Variants in ANO10 observed in about 807,000 individuals in gnomAD.
The protein encoded by ANO10 is anoctamin 10, also known as anoctamin-10.
In ANO10, 77 loss-of-function variants were observed where a neutral mutation model predicts 74.7. The ratio of observed to expected loss-of-function variants is 1.03; its 90% confidence interval spans 0.86 to 1.25. ANO10 has a LOEUF of 1.25. Among genes scored for constraint, ANO10 ranks in the 50% most tolerant of loss-of-function variants. The pLI is 0.00. For synonymous variants in ANO10, 279 were observed against 284.9 expected (o/e 0.98, Z 0.21); for missense variants, 721 against 778.1 (o/e 0.93, Z 0.87).
intron 12 of ANO10, among the ~76,000 whole-genome samples, chr3:43,386,545 T>C (rs1462697173): frequency 1.3e-5 from 2 of 152,100 alleles, no homozygotes; most frequent in Non-Finnish European, 2.9e-5. Flanking sequence ...TCTCTGCAGG[T>C]GGGCTCATTC....
chr3:43,479,623 TAATTACC>T (rs1478328504), intron 11 of ANO10, among the ~76,000 whole-genome samples: 1 of 152,194 alleles, frequency 6.6e-6, no homozygotes, highest in Non-Finnish European at 1.5e-5. Flanking sequence ...GGAGAAAAGT[TAATTACC>T]AAATGGTTAA....
chr3:43,587,773 A>G (rs1032024235), intron 4 of ANO10, among the ~76,000 whole-genome samples: 1 of 152,188 alleles, frequency 6.6e-6, no homozygotes, highest in African/African-American at 2.4e-5. Flanking sequence ...CAATATTTAA[A>G]CGTTAATGAG....
At chr3:43,515,208 T>G (rs2077659868) in intron 11 of ANO10, among the ~76,000 whole-genome samples, 1 of 152,226 alleles carries the variant, frequency 6.6e-6, no homozygotes, top group African/African-American at 2.4e-5. Context: ...TAAACATTAT[T>G]TCTGGCTGTG....
chr3:43,684,502 C>T (rs945382514), intron 1 of ANO10, among the ~76,000 whole-genome samples: 1 of 152,160 alleles, frequency 6.6e-6, no homozygotes, highest in African/African-American at 2.4e-5. Flanking sequence ...ACTCGTTCAA[C>T]CATTGTGGAA....
Position 43,576,672 on chromosome 3 carries a change from T to C in ANO10, c.1162+20A>G. The C allele has an allele frequency of 6.2e-7, 1 of 1,611,308 alleles. No individual in the cohort carries two copies. The highest frequency in any genetic ancestry group is 8.5e-7 in the Non-Finnish European group (1 of 1,177,548). Reference sequence around the variant, plus strand: ...TTCTTACAGGCAAGTAAGACGTGAATATAAAGCCTCAAGTCTTACCCCATG... The same window carrying C: ...TTCTTACAGGCAAGTAAGACGTGAACATAAAGCCTCAAGTCTTACCCCATG... On this transcript the variant is annotated intron_variant, in intron 6 of 12. Transcript: ENST00000292246.
At chr3:43,386,880 G>T (rs969774222) in intron 12 of ANO10, among the ~76,000 whole-genome samples, 5 of 152,124 alleles carry the variant, frequency 3.3e-5, no homozygotes, top group Non-Finnish European at 7.4e-5. Context: ...CTAGGGGCAG[G>T]ACTGAAGCCT....
intron 1 of ANO10, among the ~76,000 whole-genome samples, chr3:43,641,823 C>T (rs545665425): frequency 7.9e-5 from 12 of 152,164 alleles, no homozygotes; most frequent in Non-Finnish European, 1.3e-4. Flanking sequence ...TGTCATCAAG[C>T]GAGTGTGGGA....
chr3:43,480,327 C>A (rs185228910), intron 11 of ANO10, among the ~76,000 whole-genome samples: 22 of 152,294 alleles, frequency 1.4e-4, no homozygotes, highest in African/African-American at 5.3e-4. Flanking sequence ...TTTCACAGAA[C>A]TGAAGAACAG....
intron 11 of ANO10, among the ~76,000 whole-genome samples, chr3:43,449,515 CTTTTTTT>C (rs61265406): frequency 4.7e-5 from 5 of 107,124 alleles, no homozygotes; most frequent in African/African-American, 1.8e-4. Context: ...TATCTAGATT[CTTTTTTT>C]TTTTTTTTTT....
chr3:43,591,036 G>A (rs932062906), intron 4 of ANO10, among the ~76,000 whole-genome samples: 5 of 152,186 alleles, frequency 3.3e-5, no homozygotes, highest in East Asian at 1.9e-4. Flanking sequence ...GACAATGATC[G>A]GGATATAAAC....
At chr3:43,425,775 ATTTC>A (rs749425523) in intron 12 of ANO10, among the ~76,000 whole-genome samples, 9 of 152,102 alleles carry the variant, frequency 5.9e-5, no homozygotes, top group Admixed American at 4.6e-4. Context: ...CCCACAATAT[ATTTC>A]TTTGACGTAT....
upstream of ANO10, among the ~76,000 whole-genome samples, chr3:43,624,673 C>T (rs2083476446): frequency 6.6e-6 from 1 of 152,152 alleles, no homozygotes; most frequent in African/African-American, 2.4e-5. Context: ...AACCTCTTTG[C>T]TTTATAAATT....
upstream of ANO10, among the ~76,000 whole-genome samples, chr3:43,626,020 GC>G (rs1553745504): frequency 1.3e-5 from 2 of 151,286 alleles, no homozygotes; most frequent in Non-Finnish European, 2.9e-5. Flanking sequence ...TGCAACTTCC[GC>G]CTCACGGGTT....
Position 43,366,514 on chromosome 3 carries a change from C to CCCCA in ANO10, c.*388_*391dup. The CCCCA allele has an allele frequency of 2.7e-6, 1 of 369,806 alleles. No individual in the cohort carries two copies. Among genetic ancestry groups the CCCCA allele is most frequent in the Non-Finnish European group, 5.2e-6 (1 of 191,442 alleles). 22.9% of individuals were successfully genotyped at this position (369,806 alleles called of 1,614,324 possible). On this transcript the variant is annotated 3_prime_UTR_variant, in exon 13 of 13. Transcript: ENST00000292246. ...TGAGCACAGTGGGCACACACCCCATCCCCAACCTGTCCACGGGTCCCTGGG... is the reference window on the plus strand; with the variant it reads ...TGAGCACAGTGGGCACACACCCCATCCCCACCCAACCTGTCCACGGGTCCCTGGG...
chr3:43,506,686 T>C lies in ANO10; in HGVS notation c.1797+43034A>G, dbSNP rs572476515. 1.4e-4 allele frequency among the ~76,000 whole-genome samples: 21 copies of C among 152,320 alleles called. 2 individuals are homozygous for C. Among genetic ancestry groups the C allele is most frequent in the African/African-American group, 5.1e-4 (21 of 41,568 alleles). ...GCCCACCCCTGGGCCTTTAGGGTGC[T>C]GTGCCTTCTGCCTGCACTGCTCTTC... is the stretch of plus-strand genomic sequence containing the variant. On this transcript the variant is annotated intron_variant, in intron 11 of 12. Transcript: ENST00000292246.
At chr3:43,375,057 G>T (rs183466682) in intron 12 of ANO10, among the ~76,000 whole-genome samples, 66 of 152,028 alleles carry the variant, frequency 4.3e-4, no homozygotes, top group African/African-American at 1.6e-3. Context: ...GGAGGCGGAG[G>T]GTGCAGTGAG....
rs183434805 is a variant in ANO10 at position 43,532,829 on chromosome 3, C to T, written c.1797+16891G>A. 4.6e-5 allele frequency among the ~76,000 whole-genome samples: 7 copies of T among 152,254 alleles called. No individual in the cohort carries two copies. In the East Asian group the frequency reaches 1.4e-3, roughly 29 times the overall value. ...TCTAGGAATCTCCAACCCAGAGATT[C>T]AAATACAAAGTGATATGGTAAGGTT... On this transcript the variant is annotated intron_variant, in intron 11 of 12. Coordinates refer to ENST00000292246, the MANE Select transcript of ANO10 (RefSeq NM_018075.5).
intron 1 of ANO10, among the ~76,000 whole-genome samples, chr3:43,667,352 G>C (rs948945406): frequency 6.6e-6 from 1 of 152,036 alleles, no homozygotes; most frequent in African/African-American, 2.4e-5. Flanking sequence ...GCCTCCCAAA[G>C]TGCTGGGATT....
intron 12 of ANO10, among the ~76,000 whole-genome samples, chr3:43,422,277 C>T (rs570248083): frequency 2.0e-5 from 3 of 152,084 alleles, no homozygotes; most frequent in South Asian, 2.1e-4. Flanking sequence ...CCACCATGCC[C>T]GGCTAATTTT....
Sources: gnomAD v4.1 joint callset for allele counts (sites outside exome capture counted in the v4.1 genomes callset) on GRCh38, gnomAD v4.1.1 for gene constraint, MANE v1.5 for transcripts, NCBI Gene and HGNC (gene_info 2026-07-23, HGNC 2026-07-21) for gene names.